The following ARL15 variants were observed in gnomAD, a reference collection of about 807,000 sequenced individuals.
ARL15 encodes the protein ADP-ribosylation factor-like protein 15.
A neutral mutation model predicts 25.2 loss-of-function variants in ARL15; 19 were observed. That is an observed-to-expected ratio of 0.75 (90% CI 0.53 to 1.10). The LOEUF is 1.10. Ranked by LOEUF, ARL15 falls within the 50% of genes least tolerant of loss-of-function variation. The probability of loss-of-function intolerance (pLI) is 0.00; values close to 1 mark genes in which losing one functional copy is unlikely to be tolerated. For synonymous variants in ARL15, 94 were observed against 86.8 expected (o/e 1.08, Z -0.46); for missense variants, 220 against 246.0 (o/e 0.89, Z 0.71).
At chr5:54,077,416 A>G (rs1751645596) in intron 4 of ARL15, among the ~76,000 whole-genome samples, 1 of 152,194 alleles carries the variant, frequency 6.6e-6, no homozygotes, top group African/African-American at 2.4e-5. Context: ...TGGCTATGAA[A>G]TTTATGGAAG....
intron 1 of ARL15, among the ~76,000 whole-genome samples, chr5:54,274,490 C>T (rs1203670253): frequency 6.6e-6 from 1 of 152,156 alleles, no homozygotes; most frequent in African/African-American, 2.4e-5. Context: ...ACATTTGTGG[C>T]TCTCAATAGG....
At chr5:54,188,306 A>T (rs1008677000) in intron 1 of ARL15, among the ~76,000 whole-genome samples, 1 of 152,148 alleles carries the variant, frequency 6.6e-6, no homozygotes, top group East Asian at 1.9e-4. Flanking sequence ...GGAAAGGATT[A>T]GGTAAAGGCA....
At position 54,000,806 on chromosome 5, in the gene ARL15, A is replaced by C. The variant is rs898859690; in HGVS notation, c.462+112396T>G. ...AACTTGTTCAAATTTCTCTATATAA[A>C]CCCTTCCTTGAAAAAAGGTTTAGTG... On this transcript the variant is annotated intron_variant, in intron 4 of 4. Transcript: ENST00000504924. 2.0e-5 allele frequency among the ~76,000 whole-genome samples: 3 copies of C among 152,192 alleles called. No homozygotes were observed. The East Asian group carries it at 5.8e-4, about 29-fold the overall frequency.
At chr5:54,304,411 A>C (rs1758698215) in intron 1 of ARL15, among the ~76,000 whole-genome samples, 1 of 152,194 alleles carries the variant, frequency 6.6e-6, no homozygotes, top group Admixed American at 6.5e-5. Flanking sequence ...TCATATACTT[A>C]TCTCCTCTCA....
chr5:54,153,875 G>A (rs570961071), intron 3 of ARL15, among the ~76,000 whole-genome samples: 15 of 152,258 alleles, frequency 9.9e-5, no homozygotes, highest in African/African-American at 3.1e-4. Context: ...TGATTAAAGA[G>A]ATGGAAGATA....
At chr5:53,914,804 C>T (rs920229743) in intron 4 of ARL15, among the ~76,000 whole-genome samples, 30 of 151,416 alleles carry the variant, frequency 2.0e-4, no homozygotes, top group African/African-American at 7.0e-4. Context: ...TTTTTCTTTC[C>T]TTTCTTTTCT....
chr5:54,184,615 CAAAAAAA>C (rs5867920), intron 1 of ARL15, among the ~76,000 whole-genome samples: 1 of 121,640 alleles, frequency 8.2e-6, no homozygotes, highest in Non-Finnish European at 1.7e-5. Context: ...AGGCTTATAA[CAAAAAAA>C]AAAAAAAAAA....
intron 4 of ARL15, among the ~76,000 whole-genome samples, chr5:54,040,791 A>T (rs1037617025): frequency 2.6e-5 from 4 of 152,278 alleles, no homozygotes; most frequent in Non-Finnish European, 5.9e-5. Context: ...GATTTTATAA[A>T]TTTTTTATGG....
chr5:54,239,231 AT>A (rs57640006), intron 1 of ARL15, among the ~76,000 whole-genome samples: 3,881 of 148,618 alleles, frequency 0.026, 49 homozygotes, highest in Middle Eastern at 0.036. Flanking sequence ...TATGAATGCC[AT>A]TTTTTTTTTT....
At chr5:53,931,818 T>C (rs1445427727) in intron 4 of ARL15, among the ~76,000 whole-genome samples, 2 of 152,188 alleles carry the variant, frequency 1.3e-5, no homozygotes, top group East Asian at 3.9e-4. Flanking sequence ...CTCCAGTAAG[T>C]AGGTTTTGTT....
chr5:54,072,867 C>A (rs1331429529), intron 4 of ARL15, among the ~76,000 whole-genome samples: 1 of 152,142 alleles, frequency 6.6e-6, no homozygotes, highest in African/African-American at 2.4e-5. Context: ...ACCTTCTATT[C>A]TATACCCCTA....
chr5:54,184,615 CAAAAAAAA>C (rs5867920), intron 1 of ARL15, among the ~76,000 whole-genome samples: 1 of 121,642 alleles, frequency 8.2e-6, no homozygotes, highest in Non-Finnish European at 1.7e-5. Flanking sequence ...AGGCTTATAA[CAAAAAAAA>C]AAAAAAAAAA....
At chr5:54,016,333 A>C (rs560173448) in intron 4 of ARL15, among the ~76,000 whole-genome samples, 1 of 152,254 alleles carries the variant, frequency 6.6e-6, no homozygotes, top group South Asian at 2.1e-4. Context: ...GACAGTGAAA[A>C]AGGGGCAGTC....
chr5:54,103,112 T>TTAAACC (rs1264124330), intron 4 of ARL15, among the ~76,000 whole-genome samples: 1 of 152,140 alleles, frequency 6.6e-6, no homozygotes, highest in Non-Finnish European at 1.5e-5. Context: ...TAAAACAAAA[T>TTAAACC]TAAACCCTAC....
chr5:54,113,500 T>A, intron 3 of ARL15, 90 bp from the exon 4 acceptor site: 1 of 1,232,106 alleles, frequency 8.1e-7, no homozygotes, highest in Non-Finnish European at 1.1e-6. Flanking sequence ...GAAACCAATG[T>A]ACCTTTTAAA....
chr5:54,110,198 C>T (rs550877820), intron 4 of ARL15, among the ~76,000 whole-genome samples: 1 of 151,950 alleles, frequency 6.6e-6, no homozygotes, highest in Non-Finnish European at 1.5e-5. Flanking sequence ...TAGCAACACT[C>T]ATAGTAGGGG....
At chr5:53,950,973 C>T (rs895852644) in intron 4 of ARL15, among the ~76,000 whole-genome samples, 1 of 152,184 alleles carries the variant, frequency 6.6e-6, no homozygotes, top group African/African-American at 2.4e-5. Context: ...GGCCTGAGGG[C>T]CAAATCCAGC....
intron 1 of ARL15, among the ~76,000 whole-genome samples, chr5:54,222,944 C>T (rs1259640981): frequency 2.0e-5 from 3 of 151,626 alleles, no homozygotes; most frequent in Non-Finnish European, 4.4e-5. Context: ...CTCAGCCTCC[C>T]GAGCAGCCAG....
chr5:54,204,265 G>C (rs911230389), intron 1 of ARL15, among the ~76,000 whole-genome samples: 3 of 152,162 alleles, frequency 2.0e-5, no homozygotes, highest in African/African-American at 7.2e-5. Flanking sequence ...GACACATGAT[G>C]AAAAACAAAT....
Sources: allele counts gnomAD v4.1 joint callset (sites outside exome capture counted in the v4.1 genomes callset), GRCh38; gene constraint gnomAD v4.1.1; transcripts MANE v1.5; gene names NCBI Gene and HGNC (gene_info 2026-07-23, HGNC 2026-07-21).